Variants in ZNF451 observed in about 807,000 individuals in gnomAD.
ZNF451 encodes the protein E3 SUMO-protein ligase ZNF451.
In ZNF451, 80 loss-of-function variants were observed where a neutral mutation model predicts 107.1. The observed-to-expected ratio is 0.75, with a 90% CI of 0.62 to 0.90. ZNF451 has a LOEUF of 0.90. ZNF451 is among the 40% of genes least tolerant of loss of function. ZNF451 has a pLI of 0.00. For synonymous variants in ZNF451, 362 were observed against 406.5 expected (o/e 0.89, Z 1.32); for missense variants, 1,107 against 1,236.2 (o/e 0.90, Z 1.57).
chr6:57,124,641 G>T, intron 3 of ZNF451, 93 bp from the exon 4 acceptor site: 1 of 910,528 alleles, frequency 1.1e-6, no homozygotes, highest in South Asian at 1.6e-5. Flanking sequence ...TCAAGTAAAT[G>T]GTTCTTTAGT....
At chr6:57,158,429 A>G (rs925472962) in intron 13 of ZNF451, 1 of 789,910 alleles carries the variant, frequency 1.3e-6, no homozygotes, top group Middle Eastern at 6.6e-4. Context: ...AAGTGATTAT[A>G]TGCTGAATAT....
intron 3 of ZNF451, chr6:57,108,263 T>A: frequency 1.0e-6 from 1 of 985,480 alleles, no homozygotes; most frequent in African/African-American, 1.7e-5. Flanking sequence ...GCTATCATAG[T>A]ACTGTTTTCT....
intron 7 of ZNF451, among the ~76,000 whole-genome samples, chr6:57,139,724 A>G (rs1831658472): frequency 6.6e-6 from 1 of 152,204 alleles, no homozygotes; most frequent in Non-Finnish European, 1.5e-5. Context: ...GAAAAGACAT[A>G]CTTATTTGAC....
intron 13 of ZNF451, chr6:57,154,426 G>A (rs1333059601): frequency 6.1e-6 from 2 of 329,670 alleles, no homozygotes; most frequent in African/African-American, 2.1e-5. Flanking sequence ...GCTTAGAGGT[G>A]AAAACCAGAA....
intron 1 of ZNF451, 66 bp downstream of exon 1, chr6:57,090,340 G>A (rs1253939887): frequency 1.1e-5 from 17 of 1,590,844 alleles, no homozygotes; most frequent in Non-Finnish European, 1.4e-5. Context: ...TGTTTTCTGC[G>A]GTCTGAGGCC....
chr6:57,127,275 C>A (rs1211214767), intron 4 of ZNF451, among the ~76,000 whole-genome samples: 1 of 152,028 alleles, frequency 6.6e-6, no homozygotes, highest in Non-Finnish European at 1.5e-5. Flanking sequence ...CTTTAGTAGT[C>A]CTACATGAAA....
chr6:57,117,111 T>G (rs1830411287), intron 3 of ZNF451, among the ~76,000 whole-genome samples: 1 of 152,138 alleles, frequency 6.6e-6, no homozygotes, highest in Non-Finnish European at 1.5e-5. Context: ...CAGAGGCAAT[T>G]TATTGAGACA....
intron 7 of ZNF451, among the ~76,000 whole-genome samples, chr6:57,137,245 G>A (rs755178731): frequency 4.6e-5 from 7 of 152,116 alleles, no homozygotes; most frequent in South Asian, 2.1e-4. Flanking sequence ...TATAAGCCTC[G>A]CTGTTTTTTA....
chr6:57,096,357 TG>T (rs1829312969), intron 2 of ZNF451, among the ~76,000 whole-genome samples: 1 of 151,556 alleles, frequency 6.6e-6, no homozygotes. Flanking sequence ...GCTAATTTTT[TG>T]TATTTTTAGT....
At chr6:57,119,025 G>T (rs1004450177) in intron 3 of ZNF451, among the ~76,000 whole-genome samples, 6 of 152,126 alleles carry the variant, frequency 3.9e-5, no homozygotes, top group African/African-American at 1.4e-4. Context: ...CTGCAAAGGT[G>T]TAGCCTCATA....
At chr6:57,158,522 T>A (rs1364898673) in intron 13 of ZNF451, 8 of 985,292 alleles carry the variant, frequency 8.1e-6, no homozygotes, top group Non-Finnish European at 9.6e-6. Context: ...CTTTACAGGC[T>A]CCTCGAGATG....
chr6:57,105,104 T>C, intron 3 of ZNF451: 1 of 985,454 alleles, frequency 1.0e-6, no homozygotes, highest in Non-Finnish European at 1.2e-6. Context: ...TCAGAAACTC[T>C]TAGTCAGATA....
chr6:57,139,639 T>C (rs73469504), intron 7 of ZNF451, among the ~76,000 whole-genome samples: 188 of 152,326 alleles, frequency 1.2e-3, no homozygotes, highest in African/African-American at 4.4e-3. Flanking sequence ...CATACACTTA[T>C]AAATACACAC....
intron 6 of ZNF451, among the ~76,000 whole-genome samples, chr6:57,134,482 A>G (rs1407974225): frequency 6.6e-6 from 1 of 152,234 alleles, no homozygotes; most frequent in Non-Finnish European, 1.5e-5. Flanking sequence ...GTTTGGTAAG[A>G]AATGTCTAAA....
intron 3 of ZNF451, chr6:57,100,711 T>C: frequency 6.4e-7 from 1 of 1,550,588 alleles, no homozygotes; most frequent in Non-Finnish European, 8.7e-7. Flanking sequence ...CTCTGGGAGT[T>C]GTTCCAGCAG....
chr6:57,098,789 TTA>T (rs1239581262), intron 2 of ZNF451, among the ~76,000 whole-genome samples: 2 of 152,250 alleles, frequency 1.3e-5, no homozygotes, highest in African/African-American at 4.8e-5. Flanking sequence ...AGCACTGTTC[TTA>T]TATTAATTTT....
intron 14 of ZNF451, among the ~76,000 whole-genome samples, chr6:57,163,485 C>A (rs1347634223): frequency 1.9e-4 from 14 of 72,744 alleles, no homozygotes; most frequent in African/African-American, 3.4e-4. Context: ...GAGTCTCGCT[C>A]TGTCGCCCAG....
At chr6:57,110,316 G>C (rs1178516104) in intron 3 of ZNF451, among the ~76,000 whole-genome samples, 4 of 152,218 alleles carry the variant, frequency 2.6e-5, no homozygotes, top group Non-Finnish European at 5.9e-5. Context: ...TTCAAAGTGT[G>C]CTAAGTTTGT....
intron 5 of ZNF451, among the ~76,000 whole-genome samples, chr6:57,132,280 ATCC>A (rs1238067669): frequency 6.6e-6 from 1 of 152,248 alleles, no homozygotes; most frequent in African/African-American, 2.4e-5. Flanking sequence ...TAACACACTT[ATCC>A]TCCTTGCTTC....
Sources: allele counts gnomAD v4.1 joint callset (sites outside exome capture counted in the v4.1 genomes callset), GRCh38; gene constraint gnomAD v4.1.1; transcripts MANE v1.5; gene names NCBI Gene and HGNC (gene_info 2026-07-23, HGNC 2026-07-21).